Variants in THSD7B observed in about 807,000 individuals in gnomAD.
THSD7B encodes the protein thrombospondin type 1 domain containing 7B.
In THSD7B, 138 loss-of-function variants were observed where a neutral mutation model predicts 213.6. The ratio of observed to expected loss-of-function variants is 0.65; its 90% CI spans 0.56 to 0.74. The LOEUF is 0.74. Among genes scored for constraint, THSD7B ranks in the 30% least tolerant of loss-of-function variants. THSD7B has a pLI of 0.00. For synonymous variants in THSD7B, 742 were observed against 687.0 expected (o/e 1.08, Z -1.25); for missense variants, 1,931 against 1,991.5 (o/e 0.97, Z 0.58).
chr2:137,655,800 T>G (rs1683225515), intron 22 of THSD7B, 140 bp downstream of exon 22: 2 of 1,140,296 alleles, frequency 1.8e-6, no homozygotes, highest in East Asian at 2.7e-5. Flanking sequence ...TGGTTATCAC[T>G]TTGGTATATA....
At chr2:136,855,148 T>C (rs1363489765) in intron 1 of THSD7B, among the ~76,000 whole-genome samples, 3 of 152,220 alleles carry the variant, frequency 2.0e-5, no homozygotes, top group Admixed American at 6.5e-5. Context: ...GATATATCTC[T>C]TTGGTTTTCT....
intron 7 of THSD7B, among the ~76,000 whole-genome samples, chr2:137,196,393 T>G (rs1298810803): frequency 2.0e-5 from 3 of 148,862 alleles, no homozygotes; most frequent in Non-Finnish European, 3.0e-5. Flanking sequence ...TTTTTTTTTT[T>G]TTTTTTTTTT....
intron 21 of THSD7B, among the ~76,000 whole-genome samples, chr2:137,644,670 A>G (rs1348623189): frequency 6.6e-6 from 1 of 152,228 alleles, no homozygotes; most frequent in African/African-American, 2.4e-5. Context: ...TTTTTAAATT[A>G]CTGATCAAAA....
At chr2:136,846,729 G>T (rs1215232136) in intron 1 of THSD7B, among the ~76,000 whole-genome samples, 2 of 152,130 alleles carry the variant, frequency 1.3e-5, no homozygotes, top group Non-Finnish European at 2.9e-5. Context: ...ACCAGAGCTT[G>T]GTAGGTGCAG....
intron 4 of THSD7B, among the ~76,000 whole-genome samples, chr2:137,103,071 A>G (rs923041980): frequency 6.6e-6 from 1 of 152,178 alleles, no homozygotes; most frequent in Non-Finnish European, 1.5e-5. Flanking sequence ...GAGCAACCCC[A>G]AGACACAAAA....
At chr2:137,221,079 T>C (rs1223658005) in intron 7 of THSD7B, among the ~76,000 whole-genome samples, 6 of 152,054 alleles carry the variant, frequency 3.9e-5, no homozygotes, top group African/African-American at 1.2e-4. Context: ...GGCGGGCGGA[T>C]CACGAGGTCA....
chr2:136,980,212 T>C (rs922331749), intron 2 of THSD7B, among the ~76,000 whole-genome samples: 1 of 152,240 alleles, frequency 6.6e-6, no homozygotes, highest in East Asian at 1.9e-4. Context: ...GAGACCCCTG[T>C]TGGGAGGTCT....
At chr2:137,195,427 T>C (rs935717876) in intron 7 of THSD7B, among the ~76,000 whole-genome samples, 3 of 152,002 alleles carry the variant, frequency 2.0e-5, no homozygotes, top group South Asian at 4.2e-4. Context: ...CTTAGAAAAA[T>C]AGCTGATTCC....
chr2:137,497,449 T>C (rs1679596626), intron 15 of THSD7B, among the ~76,000 whole-genome samples: 1 of 152,140 alleles, frequency 6.6e-6, no homozygotes, highest in Admixed American at 6.6e-5. Flanking sequence ...TCTATGATGA[T>C]TTTAGCCAAA....
intron 16 of THSD7B, among the ~76,000 whole-genome samples, chr2:137,566,572 A>G (rs1573713441): frequency 6.6e-6 from 1 of 152,070 alleles, no homozygotes; most frequent in Admixed American, 6.6e-5. Context: ...TGCAGTATCC[A>G]CCTCTTAATT....
chr2:137,413,524 A>G (rs1686719861), intron 14 of THSD7B, among the ~76,000 whole-genome samples: 1 of 152,242 alleles, frequency 6.6e-6, no homozygotes, highest in Non-Finnish European at 1.5e-5. Flanking sequence ...CTGAAGTGAC[A>G]TAAATCTAAG....
chr2:137,062,241 C>T (rs1687290031), intron 3 of THSD7B, among the ~76,000 whole-genome samples: 1 of 151,280 alleles, frequency 6.6e-6, no homozygotes, highest in Non-Finnish European at 1.5e-5. Context: ...TTTTCCTAAC[C>T]TGGCTAGAGG....
At chr2:137,385,025 C>T (rs769540162) in intron 12 of THSD7B, among the ~76,000 whole-genome samples, 3 of 152,136 alleles carry the variant, frequency 2.0e-5, no homozygotes, top group African/African-American at 4.8e-5. Flanking sequence ...ACCAGGTGGA[C>T]TCCAGCCACT....
At chr2:137,308,372 G>C (rs1198896991) in intron 12 of THSD7B, among the ~76,000 whole-genome samples, 1 of 152,076 alleles carries the variant, frequency 6.6e-6, no homozygotes, top group Non-Finnish European at 1.5e-5. Context: ...ATTAGGAGAA[G>C]ATCTGGTTGA....
At chr2:137,051,306 G>A (rs1353483357) in intron 2 of THSD7B, among the ~76,000 whole-genome samples, 1 of 152,172 alleles carries the variant, frequency 6.6e-6, no homozygotes, top group African/African-American at 2.4e-5. Context: ...TCAAGTAACA[G>A]AGAATGAATA....
At chr2:137,534,189 A>G (rs1680459404) in intron 15 of THSD7B, among the ~76,000 whole-genome samples, 1 of 151,758 alleles carries the variant, frequency 6.6e-6, no homozygotes, top group Non-Finnish European at 1.5e-5. Context: ...GTACCATAAA[A>G]TAGAAATAGT....
In THSD7B at chr2:137,075,129, G is replaced by T. The variant is rs11887723; in HGVS notation, c.950+17899G>T. ...GTGTATTTCCTGGATTTGAATGTTG[G>T]CCTGCTGTGCCAGATTGGGGAAAGT... On this transcript the variant is annotated intron_variant, in intron 3 of 27. Transcript: ENST00000409968. Among the ~76,000 whole-genome samples, 979 of 152,172 alleles carry T rather than the reference G, an allele frequency of 6.4e-3. 11 individuals are homozygous for T. The highest frequency in any genetic ancestry group is 0.022 in the African/African-American group (929 of 41,488).
At chr2:136,861,090 T>C (rs1234636204) in intron 1 of THSD7B, among the ~76,000 whole-genome samples, 3 of 152,260 alleles carry the variant, frequency 2.0e-5, no homozygotes, top group Non-Finnish European at 4.4e-5. Flanking sequence ...TGAATGTGTA[T>C]TGGAAAATTA....
chr2:136,867,139 G>A (rs1039444658), intron 1 of THSD7B, among the ~76,000 whole-genome samples: 47 of 152,176 alleles, frequency 3.1e-4, no homozygotes, highest in African/African-American at 1.1e-3. Context: ...TTGTTTGGAT[G>A]CTGCAGAGTC....
Sources: gnomAD v4.1 joint callset for allele counts (sites outside exome capture counted in the v4.1 genomes callset) on GRCh38, gnomAD v4.1.1 for gene constraint, MANE v1.5 for transcripts, NCBI Gene and HGNC (gene_info 2026-07-23, HGNC 2026-07-21) for gene names.